SPAG16: variants seen among roughly 807,000 people sequenced by gnomAD.
The protein encoded by SPAG16 is sperm-associated antigen 16 protein.
Under a neutral mutation model 80.4 loss-of-function variants are expected in SPAG16, and 86 were observed. The observed-to-expected ratio is 1.07, with a 90% confidence interval of 0.90 to 1.28. The LOEUF is 1.28. Among genes scored for constraint, SPAG16 ranks in the 50% most tolerant of loss-of-function variants. The probability of loss-of-function intolerance (pLI) is 0.00; values close to 1 mark genes in which losing one functional copy is unlikely to be tolerated. For synonymous variants in SPAG16, 294 were observed against 265.9 expected (o/e 1.11, Z -1.03); for missense variants, 870 against 765.3 (o/e 1.14, Z -1.61).
At chr2:214,055,904 G>A (rs1559741074) in intron 13 of SPAG16, among the ~76,000 whole-genome samples, 1 of 151,448 alleles carries the variant, frequency 6.6e-6, no homozygotes, top group Non-Finnish European at 1.5e-5. Context: ...TGTTTTAATA[G>A]AGAAAAAATC....
intron 14 of SPAG16, among the ~76,000 whole-genome samples, chr2:214,138,492 A>T (rs1469512638): frequency 1.3e-5 from 2 of 152,136 alleles, no homozygotes; most frequent in African/African-American, 4.8e-5. Context: ...TAATTTCTCC[A>T]ATGTTTTTAT....
intron 10 of SPAG16, among the ~76,000 whole-genome samples, chr2:213,861,041 G>A (rs2075433825): frequency 6.6e-6 from 1 of 151,988 alleles, no homozygotes; most frequent in African/African-American, 2.4e-5. Context: ...ACTTGAATTG[G>A]CCTTCTGAAA....
At chr2:214,115,930 G>T (rs923600912) in intron 14 of SPAG16, among the ~76,000 whole-genome samples, 2 of 150,376 alleles carry the variant, frequency 1.3e-5, no homozygotes, top group Non-Finnish European at 2.9e-5. Context: ...CAAGAATCCT[G>T]CACCCATCCA....
intron 10 of SPAG16, among the ~76,000 whole-genome samples, chr2:213,604,950 A>G (rs955589235): frequency 1.3e-5 from 2 of 149,118 alleles, no homozygotes; most frequent in Non-Finnish European, 3.0e-5. Flanking sequence ...AAATATTTAT[A>G]TTAAATACAA....
intron 7 of SPAG16, among the ~76,000 whole-genome samples, chr2:213,361,817 A>ACACACACACC (rs2065996324): frequency 6.6e-6 from 1 of 151,674 alleles, no homozygotes; most frequent in Non-Finnish European, 1.5e-5. Flanking sequence ...ACACACACAC[A>ACACACACACC]CACACACACA....
chr2:213,770,338 G>A (rs1356254724), intron 10 of SPAG16, among the ~76,000 whole-genome samples: 3 of 151,916 alleles, frequency 2.0e-5, no homozygotes, highest in South Asian at 2.1e-4. Context: ...CATGTTTAAC[G>A]TTTTAAGAAA....
chr2:213,643,767 C>CTTTTTTTTTTT lies in SPAG16; in HGVS notation c.1070+153696_1070+153706dup, dbSNP rs71063764. On this transcript the variant is annotated intron_variant, in intron 10 of 15. Coordinates refer to ENST00000331683, the MANE Select transcript of SPAG16 (RefSeq NM_024532.5). ...TAGCCTGTCTTCAAGCTCACTACTT[C>CTTTTTTTTTTT]TTTTTTTTTTTTTTTTTTTTTTTTT... 5.8e-5 allele frequency among the ~76,000 whole-genome samples: 3 copies of CTTTTTTTTTTT among 52,028 alleles called. 1 individual carries two copies. The highest frequency in any genetic ancestry group is 2.6e-4 in the African/African-American group (3 of 11,722). 34.1% of individuals were successfully genotyped at this position (52,028 alleles called of 152,430 possible).
chr2:214,060,171 A>T (rs1489750737), intron 13 of SPAG16, among the ~76,000 whole-genome samples: 1 of 151,996 alleles, frequency 6.6e-6, no homozygotes, highest in African/African-American at 2.4e-5. Flanking sequence ...TAGGAAAAAA[A>T]TTTTTCCCTA....
chr2:214,363,585 C>G (rs912622318), intron 15 of SPAG16, among the ~76,000 whole-genome samples: 1 of 151,936 alleles, frequency 6.6e-6, no homozygotes, highest in African/African-American at 2.4e-5. Context: ...CTCAGAGAGA[C>G]AAGCTCTCCA....
chr2:214,250,455 ATTAT>A lies in SPAG16; in HGVS notation c.1720+101191_1720+101194del, dbSNP rs1282790810. Among the ~76,000 whole-genome samples, 3 of 151,160 alleles carry A rather than the reference ATTAT, an allele frequency of 2.0e-5. No individual in the cohort carries two copies. The South Asian group carries it at 6.2e-4, about 31-fold the overall frequency. The stretch of plus-strand genomic sequence containing the variant: ...GAATGAATTCACAAATTCTCTAATA[ATTAT>A]TCAGTTTCTCAAACCTAATCATATT... On this transcript the variant is annotated intron_variant, in intron 15 of 15. Transcript: ENST00000331683.
chr2:214,076,513 CTGTGTG>C lies in SPAG16; in HGVS notation c.1528-31659_1528-31654del, dbSNP rs71399105. Among the ~76,000 whole-genome samples the C allele has an allele frequency of 3.6e-3, 519 of 143,428 alleles. 4 individuals are homozygous for C. Among genetic ancestry groups the C allele is most frequent in the African/African-American group, 5.7e-3 (215 of 37,922 alleles). 94.1% of individuals were successfully genotyped at this position (143,428 alleles called of 152,430 possible). A position where few individuals can be genotyped will look rare whatever the true frequency, so the allele number is the denominator to read the frequency against. ...TTATTTTAATTCTTCTTATTTTATT[CTGTGTG>C]TGTGTGTGTGTGTGTGTGTGTGTCT... is the stretch of plus-strand genomic sequence containing the variant. On this transcript the variant is annotated intron_variant, in intron 13 of 15. Coordinates refer to ENST00000331683, the MANE Select transcript of SPAG16 (RefSeq NM_024532.5).
chr2:214,345,595 ATTATAAT>A (rs2126038725), intron 15 of SPAG16, among the ~76,000 whole-genome samples: 1 of 152,298 alleles, frequency 6.6e-6, no homozygotes, highest in African/African-American at 2.4e-5. Context: ...AGTTCTCTGA[ATTATAAT>A]TTATAACATA....
rs982206328 is a variant in SPAG16 at position 213,692,682 on chromosome 2, T to C, written c.1071-169803T>C. Among the ~76,000 whole-genome samples the C allele has an allele frequency of 8.6e-5, 13 of 151,614 alleles. No homozygotes were observed. The East Asian group carries it at 2.3e-3, about 27-fold the overall frequency. ...AAAATTAGCCCGCCATGGTGGCGGG[T>C]GCCTGTAGTCCCAGCTATTTGGGAG... is the stretch of plus-strand genomic sequence containing the variant. On this transcript the variant is annotated intron_variant, in intron 10 of 15. Coordinates refer to ENST00000331683, the MANE Select transcript of SPAG16 (RefSeq NM_024532.5).
At chr2:213,339,009 C>A (rs961825322) in intron 5 of SPAG16, among the ~76,000 whole-genome samples, 2 of 133,924 alleles carry the variant, frequency 1.5e-5, no homozygotes, top group African/African-American at 5.6e-5. Flanking sequence ...CAACTTGCAC[C>A]TGTGCCCCAG....
In SPAG16 at chr2:213,643,767, C is replaced by CTTTT. The variant is rs71063764; in HGVS notation, c.1070+153703_1070+153706dup. On this transcript the variant is annotated intron_variant, in intron 10 of 15. Transcript: ENST00000331683. ...TAGCCTGTCTTCAAGCTCACTACTTCTTTTTTTTTTTTTTTTTTTTTTTTT... is the reference window on the plus strand; with the variant it reads ...TAGCCTGTCTTCAAGCTCACTACTTCTTTTTTTTTTTTTTTTTTTTTTTTTTTTT... Among the ~76,000 whole-genome samples the CTTTT allele has an allele frequency of 2.3e-3, 122 of 52,040 alleles. 7 individuals carry two copies. The highest frequency in any genetic ancestry group is 3.1e-3 in the African/African-American group (36 of 11,726). The allele number at this position is 52,040 out of a possible 152,430, so 34.1% of individuals were successfully genotyped here.
intron 12 of SPAG16, among the ~76,000 whole-genome samples, chr2:213,999,397 G>A (rs904992022): frequency 7.9e-5 from 12 of 152,222 alleles, no homozygotes; most frequent in African/African-American, 2.7e-4. Context: ...GTAAACAGAA[G>A]TCAAGAACTG....
chr2:213,834,179 T>A (rs2073955755), intron 10 of SPAG16, among the ~76,000 whole-genome samples: 1 of 152,204 alleles, frequency 6.6e-6, no homozygotes. Flanking sequence ...CCCAGCCATG[T>A]GCAGCTGTAA....
chr2:214,235,164 T>C (rs1166321825), intron 15 of SPAG16, among the ~76,000 whole-genome samples: 1 of 152,168 alleles, frequency 6.6e-6, no homozygotes, highest in Admixed American at 6.6e-5. Context: ...TGTGTAGTAT[T>C]GATTTGATTT....
At chr2:214,189,054 C>T (rs555583185) in intron 15 of SPAG16, among the ~76,000 whole-genome samples, 1 of 152,192 alleles carries the variant, frequency 6.6e-6, no homozygotes, top group South Asian at 2.1e-4. Context: ...GGTGAATGTT[C>T]ACTTTCAGAA....
Sources: allele counts gnomAD v4.1 joint callset (sites outside exome capture counted in the v4.1 genomes callset), GRCh38; gene constraint gnomAD v4.1.1; transcripts MANE v1.5; gene names NCBI Gene and HGNC (gene_info 2026-07-23, HGNC 2026-07-21).